Variants in USH2A observed in about 807,000 individuals in gnomAD.
The protein encoded by USH2A is usherin.
In USH2A, 443 loss-of-function variants were observed where a neutral mutation model predicts 538.9. That is an observed-to-expected ratio of 0.82 (90% CI 0.76 to 0.89). The LOEUF (loss-of-function observed/expected upper bound fraction) is 0.89, where lower values mean the gene tolerates loss of function less well. Among genes scored for constraint, USH2A ranks in the 40% least tolerant of loss-of-function variants. The pLI is 0.00. For missense variants in USH2A, 6,633 were observed against 6,324.8 expected, an observed-to-expected ratio of 1.05 and a Z score of -1.65; for synonymous variants, 2,413 against 2,273.5, an observed-to-expected ratio of 1.06 and a Z score of -1.75.
chr1:215,988,026 T>G (rs924273892), intron 35 of USH2A, among the ~76,000 whole-genome samples: 3 of 152,204 alleles, frequency 2.0e-5, no homozygotes, highest in African/African-American at 7.2e-5. Context: ...TCTGTATCTT[T>G]TTTTTATTAC....
At chr1:215,693,188 C>T (rs1658681034) in intron 61 of USH2A, among the ~76,000 whole-genome samples, 1 of 150,302 alleles carries the variant, frequency 6.7e-6, no homozygotes, top group African/African-American at 2.5e-5. Context: ...ACTAAGTTGC[C>T]CAGGCTGGTC....
intron 4 of USH2A, among the ~76,000 whole-genome samples, chr1:216,355,724 G>A (rs1187254145): frequency 6.6e-6 from 1 of 151,754 alleles, no homozygotes; most frequent in Non-Finnish European, 1.5e-5. Flanking sequence ...TATTTTGTGG[G>A]GTTTACATAG....
intron 3 of USH2A, among the ~76,000 whole-genome samples, chr1:216,413,350 C>T (rs532887022): frequency 6.6e-6 from 1 of 152,092 alleles, no homozygotes; most frequent in African/African-American, 2.4e-5. Flanking sequence ...GAGGAGGCTT[C>T]CATAAGGTGA....
At chr1:215,747,939 C>A (rs1224701061) in intron 58 of USH2A, among the ~76,000 whole-genome samples, 1 of 149,132 alleles carries the variant, frequency 6.7e-6, no homozygotes, top group Non-Finnish European at 1.5e-5. Flanking sequence ...GGCCGGACTG[C>A]GGACTGCAGT....
At chr1:215,933,649 A>G (rs559921) in intron 38 of USH2A, among the ~76,000 whole-genome samples, 131,735 of 151,932 alleles carry the variant, frequency 0.87, 57,217 homozygotes, top group African/African-American at 0.91. Context: ...CCAGTGATAA[A>G]GCACTTTGTG....
At chr1:216,362,442 ATAGT>A (rs1348601394) in intron 4 of USH2A, among the ~76,000 whole-genome samples, 1 of 152,134 alleles carries the variant, frequency 6.6e-6, no homozygotes, top group Non-Finnish European at 1.5e-5. Flanking sequence ...ATTTGTAAGG[ATAGT>A]TAGTGTTTAA....
intron 21 of USH2A, among the ~76,000 whole-genome samples, chr1:216,118,345 T>C (rs2033056510): frequency 6.6e-6 from 1 of 152,064 alleles, no homozygotes; most frequent in African/African-American, 2.4e-5. Flanking sequence ...AACATAAAGC[T>C]TCTAACTAGA....
intron 2 of USH2A, among the ~76,000 whole-genome samples, chr1:216,420,430 T>C (rs904240452): frequency 6.6e-6 from 1 of 152,134 alleles, no homozygotes; most frequent in African/African-American, 2.4e-5. Flanking sequence ...GGATAATCCA[T>C]GTTTTGTTTG....
intron 56 of USH2A, among the ~76,000 whole-genome samples, chr1:215,762,062 C>A (rs1441764915): frequency 6.6e-6 from 1 of 152,180 alleles, no homozygotes. Flanking sequence ...AACATCCCAA[C>A]TTTCTAAGGA....
intron 47 of USH2A, 78 bp downstream of exon 47, chr1:215,837,913 T>A: frequency 1.7e-6 from 2 of 1,172,262 alleles, no homozygotes; most frequent in Non-Finnish European, 2.6e-6. Flanking sequence ...TTGTCATGGC[T>A]GAGAGGATAC....
intron 36 of USH2A, 39 bp downstream of exon 36, chr1:215,970,586 C>T (rs142852795): frequency 5.0e-6 from 8 of 1,612,970 alleles, no homozygotes; most frequent in Non-Finnish European, 6.8e-6. Context: ...TGTCATCTGA[C>T]ATTTAACACA....
At chr1:216,218,821 T>C (rs918279450) in intron 14 of USH2A, among the ~76,000 whole-genome samples, 4 of 152,082 alleles carry the variant, frequency 2.6e-5, no homozygotes. Flanking sequence ...TAGGTTAAGT[T>C]TTAGAGCTGA....
At chr1:216,063,013 A>G (rs1158061799) in intron 30 of USH2A, among the ~76,000 whole-genome samples, 1 of 152,230 alleles carries the variant, frequency 6.6e-6, no homozygotes, top group East Asian at 1.9e-4. Flanking sequence ...CAGTGTCAGA[A>G]TTATTTTATT....
In USH2A at chr1:216,036,570, T is replaced by C. The variant is rs79370944; in HGVS notation, c.6325+9861A>G. ...TTCTACAGCATCATAAACTTTATGGTCACACAACATTACATTGTTGGAAAC... is the reference window on the plus strand; with the variant it reads ...TTCTACAGCATCATAAACTTTATGGCCACACAACATTACATTGTTGGAAAC... On this transcript the variant is annotated intron_variant, in intron 32 of 71. Coordinates refer to ENST00000307340, the MANE Select transcript of USH2A (RefSeq NM_206933.4). 2.7e-3 allele frequency among the ~76,000 whole-genome samples: 409 copies of C among 152,266 alleles called. 1 individual carries two copies. Among genetic ancestry groups the C allele is most frequent in the African/African-American group, 9.0e-3 (376 of 41,564 alleles).
At chr1:216,008,771 T>C (rs796703128) in intron 32 of USH2A, among the ~76,000 whole-genome samples, 6 of 152,152 alleles carry the variant, frequency 3.9e-5, no homozygotes, top group African/African-American at 1.4e-4. Flanking sequence ...TCCTTTCCAC[T>C]CTTCAATCTC....
intron 40 of USH2A, among the ~76,000 whole-genome samples, chr1:215,894,707 TA>T (rs1443590214): frequency 2.6e-5 from 4 of 152,020 alleles, no homozygotes; most frequent in Non-Finnish European, 5.9e-5. Flanking sequence ...CTGACCAAGG[TA>T]AAAAAATGAG....
chr1:216,285,080 A>G (rs1394563312), intron 11 of USH2A, among the ~76,000 whole-genome samples: 2 of 152,232 alleles, frequency 1.3e-5, no homozygotes, highest in East Asian at 1.9e-4. Flanking sequence ...TTTTCCGGAG[A>G]GAAATTCAAG....
At chr1:215,975,334 G>T (rs557802266) in intron 35 of USH2A, among the ~76,000 whole-genome samples, 1 of 152,010 alleles carries the variant, frequency 6.6e-6, no homozygotes, top group South Asian at 2.1e-4. Context: ...AGTTTAATTA[G>T]GTTTATCTTG....
Position 216,047,771 on chromosome 1 carries a change from A to G in USH2A, c.6163+763T>C, listed in dbSNP as rs79635546. ...GTTTAAATCTCCTAAAGAACTTTTC[A>G]ACTAGACAGTATAAGATATGTACAA... is the stretch of plus-strand genomic sequence containing the variant. On this transcript the variant is annotated intron_variant, in intron 31 of 71. Coordinates refer to ENST00000307340, the MANE Select transcript of USH2A (RefSeq NM_206933.4). 3.3e-3 allele frequency among the ~76,000 whole-genome samples: 499 copies of G among 152,310 alleles called. 1 individual carries two copies. Among genetic ancestry groups the G allele is most frequent in the African/African-American group, 0.011 (462 of 41,566 alleles).
Sources: allele counts gnomAD v4.1 joint callset (sites outside exome capture counted in the v4.1 genomes callset), GRCh38; gene constraint gnomAD v4.1.1; transcripts MANE v1.5; gene names NCBI Gene and HGNC (gene_info 2026-07-23, HGNC 2026-07-21).